NEK10: variants seen among roughly 807,000 people sequenced by gnomAD.
NEK10 encodes serine/threonine-protein kinase Nek10.
A neutral mutation model predicts 159.8 loss-of-function variants in NEK10; 122 were observed. The ratio of observed to expected loss-of-function variants is 0.76; its 90% CI spans 0.66 to 0.89. The LOEUF is 0.89. Among genes scored for constraint, NEK10 ranks in the 40% least tolerant of loss-of-function variants. The probability of loss-of-function intolerance (pLI) is 0.00; values close to 1 mark genes in which losing one functional copy is unlikely to be tolerated. For synonymous variants in NEK10, 466 were observed against 457.1 expected (o/e 1.02, Z -0.25); for missense variants, 1,342 against 1,323.1 (o/e 1.01, Z -0.22).
chr3:27,274,789 C>T (rs928978588), intron 22 of NEK10, among the ~76,000 whole-genome samples: 1 of 152,086 alleles, frequency 6.6e-6, no homozygotes, highest in Non-Finnish European at 1.5e-5. Context: ...ATGCTGATGA[C>T]ATAATCAGAA....
At chr3:27,301,186 A>G (rs6781647) in intron 13 of NEK10, among the ~76,000 whole-genome samples, 19,778 of 152,230 alleles carry the variant, frequency 0.13, 3,201 homozygotes, top group African/African-American at 0.38. Flanking sequence ...TGGCCCTGCC[A>G]AAAAGCATTG....
At chr3:27,325,881 C>A (rs1229583587) in intron 5 of NEK10, among the ~76,000 whole-genome samples, 1 of 152,212 alleles carries the variant, frequency 6.6e-6, no homozygotes, top group Admixed American at 6.5e-5. Flanking sequence ...TGCTGCCCAC[C>A]ACAGTTGCCA....
chr3:27,254,750 C>G (rs1438505770), intron 23 of NEK10, among the ~76,000 whole-genome samples: 1 of 152,062 alleles, frequency 6.6e-6, no homozygotes, highest in Non-Finnish European at 1.5e-5. Flanking sequence ...TCATAGTACA[C>G]ATACATGAAA....
intron 1 of NEK10, among the ~76,000 whole-genome samples, chr3:27,356,867 T>G (rs1494419): frequency 0.33 from 49,590 of 152,116 alleles, 10,138 homozygotes; most frequent in East Asian, 0.74. Flanking sequence ...AAGCCTCCTA[T>G]GGCAGGGACT....
intron 1 of NEK10, among the ~76,000 whole-genome samples, chr3:27,359,201 C>CAAAA (rs5847459): frequency 7.4e-6 from 1 of 135,104 alleles, no homozygotes; most frequent in Non-Finnish European, 1.6e-5. Context: ...AACTCCATTT[C>CAAAA]AAAAAAAAAA....
chr3:27,259,117 A>G (rs1479545622), intron 22 of NEK10, among the ~76,000 whole-genome samples: 1 of 151,604 alleles, frequency 6.6e-6, no homozygotes, highest in Non-Finnish European at 1.5e-5. Flanking sequence ...TCTGGATATT[A>G]GCCCTTTGTC....
At chr3:27,356,602 C>T (rs955341042) in intron 1 of NEK10, among the ~76,000 whole-genome samples, 2 of 152,166 alleles carry the variant, frequency 1.3e-5, no homozygotes, top group African/African-American at 4.8e-5. Flanking sequence ...CATGAACATG[C>T]CAACTATATT....
intron 22 of NEK10, among the ~76,000 whole-genome samples, chr3:27,268,852 T>A (rs1575528309): frequency 2.0e-5 from 3 of 152,268 alleles, no homozygotes; most frequent in East Asian, 1.9e-4. Flanking sequence ...TGGGCAACGT[T>A]TACCTCCTGG....
intron 30 of NEK10, 31 bp downstream of exon 30, chr3:27,162,670 T>C (rs1946129671): frequency 6.8e-6 from 11 of 1,614,094 alleles, no homozygotes; most frequent in Non-Finnish European, 9.3e-6. Context: ...GAGAGTTGTG[T>C]TTGATTTTAT....
chr3:27,151,796 ATAGTT>A (rs1236585957), intron 30 of NEK10, among the ~76,000 whole-genome samples: 1 of 152,228 alleles, frequency 6.6e-6, no homozygotes, highest in African/African-American at 2.4e-5. Context: ...AGGGAAATAG[ATAGTT>A]TAAAGTAAAA....
intron 5 of NEK10, among the ~76,000 whole-genome samples, chr3:27,334,241 CTAGTG>C (rs1341126733): frequency 6.6e-6 from 1 of 152,224 alleles, no homozygotes; most frequent in Admixed American, 6.5e-5. Flanking sequence ...GGCCTGGAAA[CTAGTG>C]TGCCTAGCCC....
chr3:27,312,948 G>T (rs1213542586), intron 7 of NEK10, among the ~76,000 whole-genome samples: 2 of 152,122 alleles, frequency 1.3e-5, no homozygotes, highest in Non-Finnish European at 2.9e-5. Context: ...GAATGAGTTT[G>T]CAGGGCCACA....
chr3:27,273,078 TGAA>T (rs2041498388), intron 22 of NEK10, among the ~76,000 whole-genome samples: 1 of 152,046 alleles, frequency 6.6e-6, no homozygotes, highest in Non-Finnish European at 1.5e-5. Flanking sequence ...GAGGAGAAAG[TGAA>T]GAAGAGACTT....
chr3:27,315,566 A>T (rs2045091531), intron 6 of NEK10, among the ~76,000 whole-genome samples: 1 of 152,218 alleles, frequency 6.6e-6, no homozygotes, highest in Admixed American at 6.5e-5. Flanking sequence ...TTATGGTAGG[A>T]GGTTTTGTAC....
chr3:27,228,763 G>T (rs1952909882), intron 23 of NEK10, among the ~76,000 whole-genome samples: 4 of 152,132 alleles, frequency 2.6e-5, no homozygotes, highest in Non-Finnish European at 4.4e-5. Context: ...GAACATCAAC[G>T]TTCCTACAGA....
At chr3:27,321,707 C>T (rs1575738785) in intron 6 of NEK10, among the ~76,000 whole-genome samples, 2 of 152,224 alleles carry the variant, frequency 1.3e-5, no homozygotes, top group Admixed American at 1.3e-4. Flanking sequence ...CCTTGCTCAC[C>T]TCTAGCTCAA....
At chr3:27,358,469 A>G (rs1350325845) in intron 1 of NEK10, among the ~76,000 whole-genome samples, 4 of 152,196 alleles carry the variant, frequency 2.6e-5, no homozygotes, top group African/African-American at 9.6e-5. Context: ...AGTAATTTCT[A>G]TCCTCTATTG....
In NEK10 at chr3:27,344,336, G is replaced by T; in HGVS notation, c.298C>A (p.His100Asn). The T allele has an allele frequency of 6.3e-7, 1 of 1,594,738 alleles. No individual in the cohort carries two copies. The highest frequency in any genetic ancestry group is 2.2e-5 in the East Asian group (1 of 44,698). ...TCCTGAAATAGTTTACGCTGAGGATGTTTGCTGAAATTTCTCTCATTCTTG... is the reference window on the plus strand; with the variant it reads ...TCCTGAAATAGTTTACGCTGAGGATTTTTGCTGAAATTTCTCTCATTCTTG... ...NYKNERNFSK[H>N]PQRKLFQEIF... Residue 100 changes from histidine (H) to asparagine (N), a missense_variant, in exon 5 of 36, where the codon CAT (histidine) becomes AAT (asparagine). Transcript: ENST00000691995.
chr3:27,322,162 A>G lies in NEK10; in HGVS notation c.447+15T>C. 7.0e-7 allele frequency: 1 copy of G among 1,424,446 alleles called. No homozygotes were observed. Among genetic ancestry groups the G allele is most frequent in the Non-Finnish European group, 9.6e-7 (1 of 1,044,224 alleles). 88.2% of individuals were successfully genotyped at this position (1,424,446 alleles called of 1,614,324 possible). A position where few individuals can be genotyped will look rare whatever the true frequency, so the allele number is the denominator to read the frequency against. On this transcript the variant is annotated intron_variant, in intron 6 of 35. Transcript: ENST00000691995. ...TATAACAAGTAAAAAAAAAAATTGT[A>G]TTTTTCCAACCAACCTGATAACATG...
Sources: allele counts gnomAD v4.1 joint callset (sites outside exome capture counted in the v4.1 genomes callset), GRCh38; gene constraint gnomAD v4.1.1; transcripts MANE v1.5; gene names NCBI Gene and HGNC (gene_info 2026-07-23, HGNC 2026-07-21).